The following CEP85L variants were observed in gnomAD, a reference collection of about 807,000 sequenced individuals.
The protein encoded by CEP85L is centrosomal protein of 85 kDa-like.
A neutral mutation model predicts 100.3 loss-of-function variants in CEP85L; 60 were observed. That is an observed-to-expected ratio of 0.60 (90% CI 0.49 to 0.74). CEP85L has a LOEUF of 0.74. Among genes scored for constraint, CEP85L ranks in the 30% least tolerant of loss-of-function variants. The pLI is 0.00. For synonymous variants in CEP85L, 319 were observed against 322.7 expected, an observed-to-expected ratio of 0.99 and a Z score of 0.12; for missense variants, 973 against 936.2, an observed-to-expected ratio of 1.04 and a Z score of -0.51.
intron 1 of CEP85L, among the ~76,000 whole-genome samples, chr6:118,672,393 G>T (rs1259069230): frequency 1.3e-5 from 2 of 151,938 alleles, no homozygotes; most frequent in African/African-American, 4.8e-5. Context: ...AATATTTGTT[G>T]AATATTGACT....
intron 1 of CEP85L, among the ~76,000 whole-genome samples, chr6:118,678,915 A>G (rs1284384571): frequency 8.5e-6 from 1 of 118,220 alleles, no homozygotes; most frequent in Non-Finnish European, 1.8e-5. Flanking sequence ...CTGGCAACAG[A>G]GTGAGACTAA....
intron 2 of CEP85L, among the ~76,000 whole-genome samples, chr6:118,593,318 A>G (rs1781289216): frequency 6.6e-6 from 1 of 152,016 alleles, no homozygotes; most frequent in Admixed American, 6.5e-5. Context: ...GGTGTATGGT[A>G]TAAGTCCATT....
At chr6:118,553,241 A>G (rs1255551478) in intron 3 of CEP85L, among the ~76,000 whole-genome samples, 1 of 151,466 alleles carries the variant, frequency 6.6e-6, no homozygotes, top group Non-Finnish European at 1.5e-5. Context: ...AAGGAAACTC[A>G]TACAGTGGTT....
intron 5 of CEP85L, among the ~76,000 whole-genome samples, chr6:118,495,655 T>TG (rs1774872424): frequency 1.3e-5 from 2 of 152,180 alleles, no homozygotes; most frequent in African/African-American, 4.8e-5. Flanking sequence ...CAGAACAGAC[T>TG]AATACAAAGC....
At chr6:118,588,410 G>A (rs1246107381) in intron 2 of CEP85L, among the ~76,000 whole-genome samples, 1 of 152,226 alleles carries the variant, frequency 6.6e-6, no homozygotes, top group Non-Finnish European at 1.5e-5. Flanking sequence ...TTAGTAGGTA[G>A]TAGCACAAAA....
rs373910393 is a variant in CEP85L, at chr6:118,632,459, C to G, written c.226G>C (p.Val76Leu). Residue 76 changes from valine to leucine, a missense_variant, in exon 2 of 13, where the codon GTG becomes CTG. Val to Leu is a conservative substitution (Grantham distance 32). This residue lies in a region of CEP85L where 890 missense variants were observed against 844.5 expected (regional missense o/e 1.05). Transcript: ENST00000368491. ...TGIGTSCSDS[V>L]EDHSTSSGTL... ...AATAAGAATTTTAGCTCACCTTCCA[C>G]GCTATCAGAACAGGAAGTTCCAATG... is the stretch of plus-strand genomic sequence containing the variant. The G allele has an allele frequency of 2.5e-6, 4 of 1,594,688 alleles. No homozygotes were observed. The highest frequency in any genetic ancestry group is 3.4e-6 in the Non-Finnish European group (4 of 1,172,518).
chr6:118,496,592 A>T (rs2114637176), intron 5 of CEP85L, among the ~76,000 whole-genome samples: 1 of 152,146 alleles, frequency 6.6e-6, no homozygotes, highest in African/African-American at 2.4e-5. Flanking sequence ...TGACCTCGTG[A>T]TCCACCCACC....
At chr6:118,570,593 T>A (rs1037356362) in intron 2 of CEP85L, among the ~76,000 whole-genome samples, 3 of 152,162 alleles carry the variant, frequency 2.0e-5, no homozygotes, top group African/African-American at 7.2e-5. Flanking sequence ...TTCCTAAAAT[T>A]CCCTTATTAC....
intron 1 of CEP85L, among the ~76,000 whole-genome samples, chr6:118,643,343 A>G (rs1253027557): frequency 2.0e-5 from 3 of 152,198 alleles, no homozygotes; most frequent in Non-Finnish European, 4.4e-5. Context: ...TATGGTCAGG[A>G]GGCAATCTCT....
At chr6:118,685,480 A>G (rs1776799757) in intron 1 of CEP85L, among the ~76,000 whole-genome samples, 1 of 152,238 alleles carries the variant, frequency 6.6e-6, no homozygotes, top group Non-Finnish European at 1.5e-5. Flanking sequence ...CAAATATTCT[A>G]GCTCACAATG....
rs144485553 is a variant in CEP85L at position 118,502,050 on chromosome 6, G to A, written c.1257+9248C>T. ...GAAAACCAGATGGAACAAGAAGACT[G>A]GGACTTCCCCATCCTGTGGATCCCA... On this transcript the variant is annotated intron_variant, in intron 5 of 12. Coordinates refer to ENST00000368491, the MANE Select transcript of CEP85L (RefSeq NM_001042475.3). 2,967 of 837,154 alleles carry A rather than the reference G, an allele frequency of 3.5e-3. 26 individuals are homozygous for A. Among genetic ancestry groups the A allele is most frequent in the Middle Eastern group, 0.021 (56 of 2,682 alleles). 51.9% of individuals were successfully genotyped at this position (837,154 alleles called of 1,614,324 possible).
At chr6:118,698,282 T>C (rs568941608) in intron 1 of CEP85L, among the ~76,000 whole-genome samples, 29 of 152,348 alleles carry the variant, frequency 1.9e-4, no homozygotes, top group African/African-American at 2.9e-4. Context: ...AGAAACATCA[T>C]TGAATTATCA....
intron 2 of CEP85L, among the ~76,000 whole-genome samples, chr6:118,624,363 T>A (rs933768641): frequency 6.6e-6 from 1 of 152,144 alleles, no homozygotes; most frequent in Non-Finnish European, 1.5e-5. Context: ...ATCAACCTTT[T>A]TTCTATCGTC....
intron 3 of CEP85L, among the ~76,000 whole-genome samples, chr6:118,529,608 CAAAAAAA>C (rs55732442): frequency 1.6e-4 from 15 of 92,490 alleles, no homozygotes; most frequent in Admixed American, 5.2e-4. Flanking sequence ...ACTCTGTCTC[CAAAAAAA>C]AAAAAAAAAA....
intron 2 of CEP85L, among the ~76,000 whole-genome samples, chr6:118,594,113 T>C (rs1010099962): frequency 1.3e-5 from 2 of 152,196 alleles, no homozygotes; most frequent in Non-Finnish European, 2.9e-5. Flanking sequence ...CTAGACTTCA[T>C]ATATACAATG....
At chr6:118,631,586 T>TA (rs1334739452) in intron 2 of CEP85L, among the ~76,000 whole-genome samples, 1 of 152,174 alleles carries the variant, frequency 6.6e-6, no homozygotes, top group Non-Finnish European at 1.5e-5. Context: ...TTTCAATAGG[T>TA]AAATGGTTAA....
At chr6:118,466,018 C>A (rs1029157142) in intron 12 of CEP85L, among the ~76,000 whole-genome samples, 2 of 152,018 alleles carry the variant, frequency 1.3e-5, no homozygotes, top group Admixed American at 1.3e-4. Flanking sequence ...AAGTGTCACA[C>A]ACACACACAG....
intron 1 of CEP85L, among the ~76,000 whole-genome samples, chr6:118,663,461 A>G (rs1776037037): frequency 2.6e-5 from 4 of 152,226 alleles, no homozygotes; most frequent in Admixed American, 2.0e-4. Context: ...AATTTGAGTA[A>G]TGATTGTGAT....
chr6:118,586,628 G>T (rs1375188004), intron 2 of CEP85L, among the ~76,000 whole-genome samples: 3 of 152,184 alleles, frequency 2.0e-5, no homozygotes, highest in Non-Finnish European at 4.4e-5. Flanking sequence ...ACAGCCCAGA[G>T]GAACGTCCTG....
Sources: gnomAD v4.1 joint callset for allele counts (sites outside exome capture counted in the v4.1 genomes callset) on GRCh38, gnomAD v4.1.1 for gene constraint, gnomAD v4.1.1 regional missense constraint, MANE v1.5 for transcripts, NCBI Gene and HGNC (gene_info 2026-07-23, HGNC 2026-07-21) for gene names.